Variants in PCDH11X observed in about 807,000 individuals in gnomAD.
PCDH11X encodes the protein protocadherin 11 X-linked.
Under a neutral mutation model 53.3 loss-of-function variants are expected in PCDH11X, and 18 were observed. The observed-to-expected ratio is 0.34, with a 90% CI of 0.23 to 0.50. The LOEUF is 0.50. Ranked by LOEUF, PCDH11X falls within the 20% of genes least tolerant of loss-of-function variation. The probability of loss-of-function intolerance (pLI) is 0.98; values close to 1 mark genes in which losing one functional copy is unlikely to be tolerated. For synonymous variants in PCDH11X, 279 were observed against 393.3 expected, an observed-to-expected ratio of 0.71 and a Z score of 3.44; for missense variants, 570 against 1,032.4, an observed-to-expected ratio of 0.55 and a Z score of 6.14.
chrX:92,221,667 G>A (rs2066882583), intron 7 of PCDH11X, among the ~76,000 whole-genome samples: 1 of 111,617 alleles, frequency 9.0e-6, no homozygotes, highest in Non-Finnish European at 1.9e-5. Context: ...CAGATCTGTA[G>A]TAGCAAATAT....
At chrX:91,949,246 A>G (rs1174481809) in intron 6 of PCDH11X, among the ~76,000 whole-genome samples, 1 of 109,592 alleles carries the variant, frequency 9.1e-6, no homozygotes, top group Non-Finnish European at 1.9e-5. Flanking sequence ...ACAAAGATGA[A>G]TTGAAACAAT....
rs113155377 is a variant in PCDH11X, at chrX:92,275,921, G to A, written c.3144+12778G>A. Among the ~76,000 whole-genome samples the A allele has an allele frequency of 2.9e-3, 323 of 110,253 alleles. 2 individuals carry two copies. The highest frequency in any genetic ancestry group is 0.01 in the African/African-American group (313 of 30,264). ...ATTTTATACTTGTGGGTTAAGGTGG[G>A]GGAATACAAGAGGAGGATGCAAAGG... On this transcript the variant is annotated intron_variant, in intron 8 of 10. Coordinates refer to ENST00000682573, the MANE Select transcript of PCDH11X (RefSeq NM_032968.5).
chrX:91,995,739 T>C (rs1476573761), intron 6 of PCDH11X, among the ~76,000 whole-genome samples: 5 of 111,804 alleles, frequency 4.5e-5, no homozygotes, highest in East Asian at 2.8e-4. Context: ...GGGATATTGA[T>C]AGGAATTGTA....
At chrX:91,807,504 T>C (rs1438258816) in intron 1 of PCDH11X, among the ~76,000 whole-genome samples, 1 of 110,076 alleles carries the variant, frequency 9.1e-6, no homozygotes, top group African/African-American at 3.3e-5. Context: ...GAGAGAAATA[T>C]TGGTGAAGTA....
chrX:91,990,345 A>T (rs868057051), intron 6 of PCDH11X, among the ~76,000 whole-genome samples: 17 of 90,323 alleles, frequency 1.9e-4, no homozygotes, highest in African/African-American at 3.1e-4. Flanking sequence ...GAAACTTTCT[A>T]TTTTTTTTTT....
chrX:92,586,818 T>G (rs952012838), intron 10 of PCDH11X, among the ~76,000 whole-genome samples: 3 of 111,660 alleles, frequency 2.7e-5, no homozygotes, highest in Admixed American at 9.6e-5. Flanking sequence ...CACAGAAGTC[T>G]CTAATAAAAA....
chrX:92,106,447 T>A (rs1239093709), intron 6 of PCDH11X, among the ~76,000 whole-genome samples: 1 of 112,074 alleles, frequency 8.9e-6, no homozygotes, highest in Admixed American at 9.5e-5. Context: ...TTGCAAATTT[T>A]TAAAATATGT....
In PCDH11X at chrX:92,585,389, T is replaced by TG. The variant is rs1249274351; in HGVS notation, c.3368-32872dup. ...TTTCTTTTTCTTTTTTTTTTTTTTT[T>TG]GGGACAGAGTCTCGCTCTGTCGCCC... On this transcript the variant is annotated intron_variant, in intron 10 of 10. Coordinates refer to ENST00000682573, the MANE Select transcript of PCDH11X (RefSeq NM_032968.5). Among the ~76,000 whole-genome samples the TG allele has an allele frequency of 1.3e-3, 140 of 105,575 alleles. 1 individual carries two copies. Among genetic ancestry groups the TG allele is most frequent in the Middle Eastern group, 5.1e-3 (1 of 198 alleles). The allele number at this position is 105,575 out of a possible 115,157, so 91.7% of individuals were successfully genotyped here.
chrX:92,358,700 A>G (rs1481078297), intron 8 of PCDH11X, among the ~76,000 whole-genome samples: 4 of 102,104 alleles, frequency 3.9e-5, no homozygotes, highest in Non-Finnish European at 8.0e-5. Flanking sequence ...TCCTCTACCT[A>G]TCATGCTCAC....
intron 10 of PCDH11X, among the ~76,000 whole-genome samples, chrX:92,612,928 C>G (rs1032232534): frequency 9.2e-6 from 1 of 108,984 alleles, no homozygotes; most frequent in African/African-American, 3.3e-5. Context: ...ATAAGAATAG[C>G]AACCCCTGTT....
At chrX:92,155,971 C>G (rs1434595592) in intron 6 of PCDH11X, among the ~76,000 whole-genome samples, 1 of 109,042 alleles carries the variant, frequency 9.2e-6, no homozygotes, top group Non-Finnish European at 1.9e-5. Flanking sequence ...CTTCCTCTCC[C>G]GTCCCCTCCA....
At chrX:92,117,339 G>C (rs1307908909) in intron 6 of PCDH11X, among the ~76,000 whole-genome samples, 2 of 109,371 alleles carry the variant, frequency 1.8e-5, no homozygotes, top group East Asian at 5.8e-4. Flanking sequence ...GGGAGGCTGA[G>C]GCAGGAGACT....
At chrX:92,278,375 G>A (rs1036726273) in intron 8 of PCDH11X, among the ~76,000 whole-genome samples, 24 of 112,072 alleles carry the variant, frequency 2.1e-4, no homozygotes, top group African/African-American at 5.5e-4. Context: ...ATGCGTGTCC[G>A]TGTGAAGAGA....
intron 10 of PCDH11X, among the ~76,000 whole-genome samples, chrX:92,586,295 C>A (rs1924376616): frequency 9.2e-6 from 1 of 108,998 alleles, no homozygotes; most frequent in African/African-American, 3.4e-5. Flanking sequence ...TTTTTTTCAA[C>A]ATTTTATTCT....
intron 10 of PCDH11X, among the ~76,000 whole-genome samples, chrX:92,499,578 T>A (rs5984968): frequency 0.28 from 19,120 of 67,135 alleles, 3,017 homozygotes; most frequent in Middle Eastern, 0.42. Flanking sequence ...GGCAGTCAGA[T>A]TGCTTGAGCC....
chrX:92,232,476 A>C (rs184750695), intron 7 of PCDH11X, among the ~76,000 whole-genome samples: 4 of 111,786 alleles, frequency 3.6e-5, no homozygotes, highest in Non-Finnish European at 3.8e-5. Context: ...TGTTTTCTCT[A>C]AAGTTTGCTA....
intron 5 of PCDH11X, among the ~76,000 whole-genome samples, chrX:91,872,088 A>T (rs1170156607): frequency 9.1e-6 from 1 of 110,412 alleles, no homozygotes; most frequent in African/African-American, 3.3e-5. Context: ...TTCTTTGTTG[A>T]TCACACGTAT....
chrX:92,522,169 C>G (rs2074380394), intron 10 of PCDH11X, among the ~76,000 whole-genome samples: 1 of 111,848 alleles, frequency 8.9e-6, no homozygotes, highest in Admixed American at 9.6e-5. Context: ...TTTGACATGT[C>G]TTTCTCACTA....
rs186873406 is a variant in PCDH11X at position 91,822,480 on chromosome X, C to T, written c.-45+11185C>T. Among the ~76,000 whole-genome samples, 43 of 111,417 alleles carry T rather than the reference C, an allele frequency of 3.9e-4. 1 individual carries two copies. In the East Asian group the frequency reaches 0.01, roughly 27 times the overall value. ...TTTGCGCAGAGGTGTTTATAGTATT[C>T]TCTGATGGTAGTTTGTATTCCTGTG... is the stretch of plus-strand genomic sequence containing the variant. On this transcript the variant is annotated intron_variant, in intron 4 of 10. Transcript: ENST00000682573.
Sources: allele counts gnomAD v4.1 joint callset (sites outside exome capture counted in the v4.1 genomes callset), GRCh38; gene constraint gnomAD v4.1.1; transcripts MANE v1.5; gene names NCBI Gene and HGNC (gene_info 2026-07-23, HGNC 2026-07-21).